The following AGO1 variants were observed in gnomAD, a reference collection of about 807,000 sequenced individuals.
AGO1 encodes the protein argonaute RISC component 1, also known as protein argonaute-1.
A neutral mutation model predicts 109.2 loss-of-function variants in AGO1; 11 were observed. That is an observed-to-expected ratio of 0.10 (90% CI 0.06 to 0.17). The LOEUF is 0.17. Among genes scored for constraint, AGO1 ranks in the 10% least tolerant of loss-of-function variants. AGO1 has a pLI of 1.00. For synonymous variants in AGO1, 422 were observed against 418.6 expected (o/e 1.01, Z -0.10); for missense variants, 574 against 1,140.3 (o/e 0.50, Z 7.15).
upstream of AGO1, among the ~76,000 whole-genome samples, chr1:35,882,520 A>C (rs1645047556): frequency 1.3e-5 from 2 of 152,202 alleles, no homozygotes; most frequent in African/African-American, 2.4e-5. This position sits in a 1 kb window ranked among gnomAD's most constrained non-coding sequence, Gnocchi z 5.1. Flanking sequence ...TGTCAACCCC[A>C]AAAGTCATTT....
At chr1:35,909,821 C>T (rs571421106) in intron 12 of AGO1, among the ~76,000 whole-genome samples, 8 of 152,140 alleles carry the variant, frequency 5.3e-5, no homozygotes, top group Admixed American at 1.3e-4. Flanking sequence ...GATCTTCAGT[C>T]CTTGTCTTTC....
intron 1 of AGO1, among the ~76,000 whole-genome samples, chr1:35,886,232 A>G (rs936500471): frequency 6.6e-6 from 1 of 152,064 alleles, no homozygotes; most frequent in Non-Finnish European, 1.5e-5. Flanking sequence ...TCTGCATCAC[A>G]AAGTGGCCGT....
rs1553157181 is a variant in AGO1 at position 35,920,669 on chromosome 1, G to GCCTCCTTTTCTCCTTATT, written c.*1069_*1086dup. 3.3e-5 allele frequency: 5 copies of GCCTCCTTTTCTCCTTATT among 152,528 alleles called. No homozygotes were observed. The highest frequency in any genetic ancestry group is 7.3e-5 in the Non-Finnish European group (5 of 68,034). 9.4% of individuals were successfully genotyped at this position (152,528 alleles called of 1,614,324 possible). ...ACAGGCCCCTGGCCTTTCCACTTAT[G>GCCTCCTTTTCTCCTTATT]CCTCCTTTTCTCCTTATTCCTCCTA... is the stretch of plus-strand genomic sequence containing the variant. On this transcript the variant is annotated 3_prime_UTR_variant, in exon 19 of 19. Transcript: ENST00000373204.
chr1:35,883,547 A>T lies in AGO1; in HGVS notation c.25+101A>T. ...GTGATGGAAGCGCTCCTGAGTGAGG[A>T]GAAGGGCTCTCCCACGATGGGGGCC... On this transcript the variant is annotated intron_variant, in intron 1 of 18. Transcript: ENST00000373204. The surrounding 1 kb of genome is among the most constrained non-coding windows in gnomAD (Gnocchi z 5.4). The T allele has an allele frequency of 7.0e-7, 1 of 1,419,860 alleles. No individual in the cohort carries two copies. 88.0% of individuals were successfully genotyped at this position (1,419,860 alleles called of 1,614,324 possible).
In AGO1 at chr1:35,892,694, G is replaced by T; in HGVS notation, c.330+17G>T. 1 of 1,614,196 alleles carries T rather than the reference G, an allele frequency of 6.2e-7. No homozygotes were observed. The highest frequency in any genetic ancestry group is 8.5e-7 in the Non-Finnish European group (1 of 1,180,020). On this transcript the variant is annotated intron_variant, in intron 3 of 18. Transcript: ENST00000373204. ...AACGAACGGGTAAGGTTGGGAGTCA[G>T]GCTAGGCCTGTGTCAGGGGTCTGGG... is the stretch of plus-strand genomic sequence containing the variant.
At chr1:35,882,149 A>C (rs972610454), upstream of AGO1, among the ~76,000 whole-genome samples, 7 of 152,204 alleles carry the variant, frequency 4.6e-5, no homozygotes, top group African/African-American at 1.4e-4. This position sits in a 1 kb window ranked among gnomAD's most constrained non-coding sequence, Gnocchi z 5.1. Context: ...AGTGAAAGAT[A>C]AAGTGTTTGG....
Position 35,893,171 on chromosome 1 carries a change from T to G in AGO1, c.405T>G (p.Ile135Met). 6.2e-7 allele frequency: 1 copy of G among 1,614,118 alleles called. No individual in the cohort carries two copies. The highest frequency in any genetic ancestry group is 8.5e-7 in the Non-Finnish European group (1 of 1,180,016). Residue 135 changes from isoleucine to methionine, a missense_variant, in exon 4 of 19, where the codon ATT (isoleucine) becomes ATG (methionine). Physicochemically the swap from Ile to Met is conservative, Grantham distance 10. Around this residue, in one of 8 missense-constraint regions of AGO1, gnomAD observed 129 missense variants for 243.0 expected, o/e 0.53. Coordinates refer to ENST00000373204, the MANE Select transcript of AGO1 (RefSeq NM_012199.5). This position sits in a 1 kb window ranked among gnomAD's most constrained non-coding sequence, Gnocchi z 5.6. ...IFKVSIKWLA[I>M]VSWRMLHEAL... is the part of the protein sequence containing the mutation. ...AGGTCTCCATCAAGTGGCTAGCCAT[T>G]GTGAGCTGGCGAATGCTGCATGAGG...
At chr1:35,913,771 C>T in intron 12 of AGO1, 71 bp from the exon 13 acceptor site, 2 of 1,521,512 alleles carry the variant, frequency 1.3e-6, no homozygotes, top group Non-Finnish European at 1.8e-6. Flanking sequence ...ACCTCATACA[C>T]TGCCTGGCAT....
chr1:35,909,037 C>T (rs375857441), intron 12 of AGO1, among the ~76,000 whole-genome samples: 4 of 152,018 alleles, frequency 2.6e-5, no homozygotes, highest in Non-Finnish European at 5.9e-5. Context: ...AGGCTGGTCT[C>T]AAACTCCTGA....
intron 1 of AGO1, among the ~76,000 whole-genome samples, chr1:35,887,104 C>T (rs1645133427): frequency 6.6e-6 from 1 of 152,146 alleles, no homozygotes; most frequent in Non-Finnish European, 1.5e-5. Flanking sequence ...CTTTTCCATC[C>T]AGGCTGGGCC....
At chr1:35,871,057 C>T (rs1327960483) in intron 1 of AGO1, among the ~76,000 whole-genome samples, 1 of 152,172 alleles carries the variant, frequency 6.6e-6, no homozygotes, top group Non-Finnish European at 1.5e-5. Flanking sequence ...TGCCTATCTC[C>T]TCTTGGCAAT....
intron 2 of AGO1, among the ~76,000 whole-genome samples, chr1:35,889,604 A>G (rs1280073421): frequency 6.6e-6 from 1 of 152,172 alleles, no homozygotes; most frequent in Non-Finnish European, 1.5e-5. Flanking sequence ...ATAGTGAAAA[A>G]TGTCTCCTTA....
At position 35,926,489 on chromosome 1, in the gene AGO1, T is replaced by C. The variant is rs556344781; in HGVS notation, c.*6882T>C. ...TGGTGTAGCAGACCCCAGAATCTCATGGCAATTAGGATTTGGTGGCTAAAC... is the reference window on the plus strand; with the variant it reads ...TGGTGTAGCAGACCCCAGAATCTCACGGCAATTAGGATTTGGTGGCTAAAC... On this transcript the variant is annotated 3_prime_UTR_variant, in exon 19 of 19. Transcript: ENST00000373204. 6.6e-6 allele frequency: 1 copy of C among 152,330 alleles called. No homozygotes were observed. Among genetic ancestry groups the C allele is most frequent in the East Asian group, 1.9e-4 (1 of 5,188 alleles). The allele number at this position is 152,330 out of a possible 1,614,324, so 9.4% of individuals were successfully genotyped here. A position where few individuals can be genotyped will look rare whatever the true frequency, so the allele number is the denominator to read the frequency against.
intron 12 of AGO1, among the ~76,000 whole-genome samples, chr1:35,910,198 C>G (rs1252480374): frequency 6.7e-6 from 1 of 149,432 alleles, no homozygotes; most frequent in Non-Finnish European, 1.5e-5. Context: ...CTTCTAAAGA[C>G]CCTTCACCAT....
intron 11 of AGO1, among the ~76,000 whole-genome samples, chr1:35,905,281 C>T (rs781226415): frequency 1.2e-4 from 19 of 152,104 alleles, no homozygotes; most frequent in East Asian, 1.9e-4. Flanking sequence ...GGTCAAAGCC[C>T]TAGCTGTTAT....
rs1283260848 is a variant in AGO1 at position 35,919,721 on chromosome 1, G to A, written c.*114G>A. 1 of 949,264 alleles carries A rather than the reference G, an allele frequency of 1.1e-6. No individual in the cohort carries two copies. Among genetic ancestry groups the A allele is most frequent in the Non-Finnish European group, 1.6e-6 (1 of 639,138 alleles). The allele number at this position is 949,264 out of a possible 1,614,324, so 58.8% of individuals were successfully genotyped here. Reference sequence around the variant, plus strand: ...GGGAGGTGGGGTAGGGAGGAGTGTAGGATGCCTTGTTTCCTTCTATAGAGG... The same window carrying A: ...GGGAGGTGGGGTAGGGAGGAGTGTAAGATGCCTTGTTTCCTTCTATAGAGG... On this transcript the variant is annotated 3_prime_UTR_variant, in exon 19 of 19. Coordinates refer to ENST00000373204, the MANE Select transcript of AGO1 (RefSeq NM_012199.5). The surrounding 1 kb of genome is among the most constrained non-coding windows in gnomAD (Gnocchi z 6.6).
At chr1:35,891,239 T>C (rs1042734972) in intron 2 of AGO1, among the ~76,000 whole-genome samples, 29 of 152,222 alleles carry the variant, frequency 1.9e-4, no homozygotes, top group Admixed American at 1.9e-3. Context: ...TATCCAGTAG[T>C]AGTCAAGAAC....
At chr1:35,914,534 CTT>C (rs1233139789) in intron 14 of AGO1, among the ~76,000 whole-genome samples, 1 of 152,212 alleles carries the variant, frequency 6.6e-6, no homozygotes, top group African/African-American at 2.4e-5. Flanking sequence ...GAATGTCTTT[CTT>C]TCCCCATGCC....
intron 8 of AGO1, among the ~76,000 whole-genome samples, chr1:35,895,889 TC>T (rs1645308023): frequency 6.6e-6 from 1 of 152,240 alleles, no homozygotes; most frequent in African/African-American, 2.4e-5. Context: ...TGCTTCATTG[TC>T]TCGTCCAATG....
Sources: allele counts gnomAD v4.1 joint callset (sites outside exome capture counted in the v4.1 genomes callset), GRCh38; gene constraint gnomAD v4.1.1; regional missense constraint gnomAD v4.1.1; non-coding constraint Gnocchi (gnomAD v3.1); transcripts MANE v1.5; gene names NCBI Gene and HGNC (gene_info 2026-07-23, HGNC 2026-07-21).